The following NDUFS6 variants were observed in gnomAD, a reference collection of about 807,000 sequenced individuals.
NDUFS6 encodes NADH:ubiquinone oxidoreductase subunit S6, also known as NADH dehydrogenase [ubiquinone] iron-sulfur protein 6, mitochondrial.
NDUFS6 carries 14 observed loss-of-function variants against 13.2 expected under a neutral mutation model. That is an observed-to-expected ratio of 1.06 (90% CI 0.70 to 1.66). The LOEUF is 1.66. Among genes scored for constraint, NDUFS6 ranks in the 40% most tolerant of loss-of-function variants. The probability of loss-of-function intolerance (pLI) is 0.00; values close to 1 mark genes in which losing one functional copy is unlikely to be tolerated. For synonymous variants in NDUFS6, 95 were observed against 72.3 expected (o/e 1.31, Z -1.60); for missense variants, 206 against 170.8 (o/e 1.21, Z -1.15).
In NDUFS6 at chr5:1,801,449, T is replaced by A. The variant is rs371139033; in HGVS notation, c.32T>A (p.Leu11Gln). 5.0e-6 allele frequency: 8 copies of A among 1,605,080 alleles called. No homozygotes were observed. Among genetic ancestry groups the A allele is most frequent in the East Asian group, 2.2e-5 (1 of 44,798 alleles). Residue 11 changes from leucine to glutamine, a missense_variant, in exon 1 of 4, where the codon CTG becomes CAG. Leu to Gln is a moderately radical substitution (Grantham distance 113). Transcript: ENST00000274137. ...GCGGCGATGACCTTCTGCCGGCTGC[T>A]GAACCGGTGTGGCGAGGCGGCGCGG... MAAAMTFCRL[L>Q]NRCGEAARSL...
In NDUFS6 at chr5:1,814,581, G is replaced by A. The variant is rs1265853846; in HGVS notation, c.309+120G>A. On this transcript the variant is annotated intron_variant, in intron 3 of 3. Transcript: ENST00000274137. This position sits in a 1 kb window ranked among gnomAD's most constrained non-coding sequence, Gnocchi z 4.9. ...TACCTGCTCCCGAGGCGGCCCTTAC[G>A]GGGTTCACACTGCTGGCACATTCAC... 11 of 1,475,198 alleles carry A rather than the reference G, an allele frequency of 7.5e-6. No individual in the cohort carries two copies. The highest frequency in any genetic ancestry group is 1.2e-5 in the South Asian group (1 of 84,426). 91.4% of individuals were successfully genotyped at this position (1,475,198 alleles called of 1,614,324 possible).
chr5:1,810,369 A>C (rs545156715), intron 2 of NDUFS6, among the ~76,000 whole-genome samples: 1 of 152,056 alleles, frequency 6.6e-6, no homozygotes, highest in African/African-American at 2.4e-5. Context: ...CCTTCCCTCT[A>C]CATGCACAGA....
rs560926954 is a variant in NDUFS6, at chr5:1,808,646, C to T, written c.187-5693C>T. ...TTGTGTCTTGTGGTTCTTTCTCTTC[C>T]AAGGCACTGGCAAAATTAGTCACTG... On this transcript the variant is annotated intron_variant, in intron 2 of 3. Transcript: ENST00000274137. Among the ~76,000 whole-genome samples, 22 of 152,288 alleles carry T rather than the reference C, an allele frequency of 1.4e-4. No individual in the cohort carries two copies. In the South Asian group the frequency reaches 4.1e-3, roughly 29 times the overall value.
intron 2 of NDUFS6, among the ~76,000 whole-genome samples, chr5:1,802,650 T>A (rs904197002): frequency 7.2e-5 from 11 of 152,220 alleles, no homozygotes; most frequent in Admixed American, 7.2e-4. Flanking sequence ...CTCCTGAGAC[T>A]CTCAGATTTA....
chr5:1,808,296 C>T (rs554927790), intron 2 of NDUFS6, among the ~76,000 whole-genome samples: 11 of 152,322 alleles, frequency 7.2e-5, no homozygotes, highest in African/African-American at 2.4e-4. Context: ...TGTGGCTTCC[C>T]GCTTCTGCAT....
chr5:1,816,007 G>C lies in NDUFS6; in HGVS notation c.*91G>C. On this transcript the variant is annotated 3_prime_UTR_variant, in exon 4 of 4. Transcript: ENST00000274137. ...GAAGCTCGCTGGTTCTGTGCGAAGG[G>C]TATTCCTGGTGCTGAATAAAGGGTG... 6 of 1,352,854 alleles carry C rather than the reference G, an allele frequency of 4.4e-6. No individual in the cohort carries two copies. Among genetic ancestry groups the C allele is most frequent in the Non-Finnish European group, 6.4e-6 (6 of 941,690 alleles). The allele number at this position is 1,352,854 out of a possible 1,614,324, so 83.8% of individuals were successfully genotyped here. A position where few individuals can be genotyped will look rare whatever the true frequency, so the allele number is the denominator to read the frequency against.
At chr5:1,810,310 G>T (rs1323330421) in intron 2 of NDUFS6, among the ~76,000 whole-genome samples, 1 of 152,212 alleles carries the variant, frequency 6.6e-6, no homozygotes, top group East Asian at 1.9e-4. Flanking sequence ...CATGCAGGTA[G>T]ACCCACATCC....
intron 1 of NDUFS6, 37 bp downstream of exon 1, chr5:1,801,586 G>T: frequency 6.5e-7 from 1 of 1,543,284 alleles, no homozygotes; most frequent in Non-Finnish European, 8.7e-7. Context: ...CCTTCCTCCA[G>T]CCGCACCTCG....
intron 2 of NDUFS6, among the ~76,000 whole-genome samples, chr5:1,813,429 C>T (rs1055890849): frequency 5.3e-5 from 8 of 152,166 alleles, no homozygotes; most frequent in Admixed American, 4.6e-4. Flanking sequence ...TTCCACCTCA[C>T]AGTAGTAACT....
chr5:1,809,796 C>G (rs989488982), intron 2 of NDUFS6, among the ~76,000 whole-genome samples: 3 of 152,252 alleles, frequency 2.0e-5, no homozygotes, highest in Non-Finnish European at 4.4e-5. Context: ...CAGAACATCG[C>G]TCACTCCAGA....
rs752820726 is a variant in NDUFS6, at chr5:1,801,532, G to C, written c.115G>C (p.Val39Leu). 1 of 1,592,232 alleles carries C rather than the reference G, an allele frequency of 6.3e-7. No individual in the cohort carries two copies. Among genetic ancestry groups the C allele is most frequent in the Admixed American group, 1.7e-5 (1 of 58,746 alleles). Reference protein sequence around the residue: ...GVRVSPTGEKVTHTGQVYDDK... With the variant: ...GVRVSPTGEKLTHTGQVYDDK... Reference sequence around the variant, plus strand: ...GCGGGTCTCGCCGACCGGGGAGAAGGTCACGCACACTGGCCAGGTAACGGC... The same window carrying C: ...GCGGGTCTCGCCGACCGGGGAGAAGCTCACGCACACTGGCCAGGTAACGGC... Residue 39 changes from valine (V) to leucine (L), a missense_variant, in exon 1 of 4, where the codon GTC (valine) becomes CTC (leucine). Physicochemically the swap from Val to Leu is conservative, Grantham distance 32. Transcript: ENST00000274137.
At position 1,807,195 on chromosome 5, in the gene NDUFS6, T is replaced by TGC. The variant is rs1194880436; in HGVS notation, c.186+4822_186+4823insCG. Among the ~76,000 whole-genome samples the TGC allele has an allele frequency of 2.0e-4, 30 of 152,098 alleles. No individual in the cohort carries two copies. In the East Asian group the frequency reaches 4.8e-3, roughly 24 times the overall value. On this transcript the variant is annotated intron_variant, in intron 2 of 3. Transcript: ENST00000274137. ...TACTGCGTGAGGTACTCAGAGGTAC[T>TGC]GTGTGAACACTGTGTGATTCCTCTG...
chr5:1,804,337 G>T (rs910134220), intron 2 of NDUFS6, among the ~76,000 whole-genome samples: 6 of 152,232 alleles, frequency 3.9e-5, no homozygotes, highest in African/African-American at 1.4e-4. Context: ...CTGGTTTCTG[G>T]TTGGTGTAGC....
intron 2 of NDUFS6, among the ~76,000 whole-genome samples, chr5:1,808,822 T>C (rs559913687): frequency 1.9e-4 from 29 of 152,388 alleles, no homozygotes; most frequent in African/African-American, 6.3e-4. Flanking sequence ...TATACTTATA[T>C]AGACATGTAT....
intron 2 of NDUFS6, among the ~76,000 whole-genome samples, chr5:1,813,783 T>C (rs995053353): frequency 1.3e-5 from 2 of 152,208 alleles, no homozygotes. Flanking sequence ...AGGAACAACC[T>C]AACCGGCATT....
At chr5:1,805,865 C>G (rs1242202334) in intron 2 of NDUFS6, among the ~76,000 whole-genome samples, 2 of 152,314 alleles carry the variant, frequency 1.3e-5, no homozygotes, top group Admixed American at 1.3e-4. Context: ...TGGGGCTGCC[C>G]TGCCTGGCCG....
intron 2 of NDUFS6, among the ~76,000 whole-genome samples, chr5:1,806,813 G>T (rs182344102): frequency 6.6e-6 from 1 of 152,292 alleles, no homozygotes; most frequent in Non-Finnish European, 1.5e-5. Context: ...CTGAGCGTGT[G>T]CCCAAAAGAA....
At chr5:1,802,285 G>T (rs775615359) in intron 1 of NDUFS6, 36 bp from the exon 2 acceptor site, 3 of 1,583,526 alleles carry the variant, frequency 1.9e-6, no homozygotes, top group African/African-American at 2.7e-5. Context: ...GAATTAGGCC[G>T]TAAAAGTCAC....
At chr5:1,813,397 T>C (rs909363146) in intron 2 of NDUFS6, among the ~76,000 whole-genome samples, 4 of 152,214 alleles carry the variant, frequency 2.6e-5, no homozygotes, top group Non-Finnish European at 5.9e-5. Flanking sequence ...AGTCTAACGA[T>C]CGTGCTCGCG....
Sources: allele counts gnomAD v4.1 joint callset (sites outside exome capture counted in the v4.1 genomes callset), GRCh38; gene constraint gnomAD v4.1.1; non-coding constraint Gnocchi (gnomAD v3.1); transcripts MANE v1.5; gene names NCBI Gene and HGNC (gene_info 2026-07-23, HGNC 2026-07-21).